Variants in GALNTL6 observed in about 807,000 individuals in gnomAD.
GALNTL6 encodes the protein polypeptide N-acetylgalactosaminyltransferase like 6, also known as polypeptide N-acetylgalactosaminyltransferase-like 6.
In GALNTL6, 46 loss-of-function variants were observed where a neutral mutation model predicts 73.7. The ratio of observed to expected loss-of-function variants is 0.62; its 90% CI spans 0.49 to 0.80. GALNTL6 has a LOEUF of 0.80. Ranked by LOEUF, GALNTL6 falls within the 30% of genes least tolerant of loss-of-function variation. The pLI, the probability that GALNTL6 is intolerant of heterozygous loss-of-function variation, is 0.00. For missense variants in GALNTL6, 604 were observed against 755.0 expected (o/e 0.80, Z 2.34); for synonymous variants, 259 against 263.7 (o/e 0.98, Z 0.17).
intron 5 of GALNTL6, among the ~76,000 whole-genome samples, chr4:172,554,429 T>C (rs1028260598): frequency 2.0e-5 from 3 of 152,164 alleles, no homozygotes; most frequent in Admixed American, 1.3e-4. Flanking sequence ...AATTAAAATA[T>C]TTTGAAGGTT....
chr4:172,808,624 T>G (rs1472809194), intron 5 of GALNTL6, among the ~76,000 whole-genome samples: 5 of 152,224 alleles, frequency 3.3e-5, no homozygotes, highest in Non-Finnish European at 7.3e-5. Flanking sequence ...GAGAGCTTGA[T>G]GCATTTTGTC....
intron 5 of GALNTL6, among the ~76,000 whole-genome samples, chr4:172,528,317 AAAATATATATATATATATATAT>A (rs1180907669): frequency 8.5e-4 from 101 of 118,542 alleles, no homozygotes; most frequent in African/African-American, 3.2e-3. Context: ...TGCTAGAAAT[AAAATATATATATATATATATAT>A]ATATATATAT....
chr4:172,334,794 C>A (rs1741252063), intron 4 of GALNTL6, among the ~76,000 whole-genome samples: 1 of 152,110 alleles, frequency 6.6e-6, no homozygotes, highest in African/African-American at 2.4e-5. Flanking sequence ...CCATCCTTGT[C>A]TTTTTCCTGT....
chr4:172,938,385 C>CA (rs1748736408), intron 9 of GALNTL6, among the ~76,000 whole-genome samples: 1 of 152,180 alleles, frequency 6.6e-6, no homozygotes, highest in African/African-American at 2.4e-5. Context: ...ACCATGGTGT[C>CA]AGCTTTCCCA....
At position 172,997,155 on chromosome 4, in the gene GALNTL6, T is replaced by TCACA. The variant is rs535706690; in HGVS notation, c.1372-12022_1372-12019dup. 5.0e-3 allele frequency among the ~76,000 whole-genome samples: 768 copies of TCACA among 152,310 alleles called. 6 individuals are homozygous for TCACA. The highest frequency in any genetic ancestry group is 0.011 in the South Asian group (53 of 4,828). On this transcript the variant is annotated intron_variant, in intron 10 of 12. Coordinates refer to ENST00000506823, the MANE Select transcript of GALNTL6 (RefSeq NM_001034845.3). ...TCACTTCTTTTCTAAACCCAAGGACTCACAGCCTTCTTTAATTTCCATGTG... is the reference window on the plus strand; with the variant it reads ...TCACTTCTTTTCTAAACCCAAGGACTCACACACAGCCTTCTTTAATTTCCATGTG...
At chr4:172,703,117 G>T (rs1734124403) in intron 5 of GALNTL6, among the ~76,000 whole-genome samples, 1 of 151,734 alleles carries the variant, frequency 6.6e-6, no homozygotes. Context: ...GGTAAAAGTA[G>T]GTATCTTTGT....
chr4:171,953,263 T>TGC (rs1553974319), intron 2 of GALNTL6, among the ~76,000 whole-genome samples: 1 of 138,472 alleles, frequency 7.2e-6, no homozygotes, highest in African/African-American at 2.6e-5. Context: ...TGTGTGTGTG[T>TGC]GTAAGAAAAA....
chr4:172,979,891 C>A lies in GALNTL6; in HGVS notation c.1371+27633C>A, dbSNP rs75555809. ...TTACCACTTTCTAATGTCCTCCCCG[C>A]AATTTGAAGTAATCCCTGTCCTTTT... On this transcript the variant is annotated intron_variant, in intron 10 of 12. Coordinates refer to ENST00000506823, the MANE Select transcript of GALNTL6 (RefSeq NM_001034845.3). Among the ~76,000 whole-genome samples, 352 of 152,330 alleles carry A rather than the reference C, an allele frequency of 2.3e-3. 3 individuals are homozygous for A. The highest frequency in any genetic ancestry group is 8.3e-3 in the African/African-American group (344 of 41,572).
At chr4:172,454,069 TATA>T (rs1265470317) in intron 5 of GALNTL6, among the ~76,000 whole-genome samples, 2 of 152,214 alleles carry the variant, frequency 1.3e-5, no homozygotes, top group Non-Finnish European at 2.9e-5. Context: ...ATTGCACATT[TATA>T]ATGTTTCAGT....
chr4:171,961,384 C>T (rs1739213843), intron 2 of GALNTL6, among the ~76,000 whole-genome samples: 1 of 149,066 alleles, frequency 6.7e-6, no homozygotes, highest in African/African-American at 2.4e-5. Context: ...AAGAATTTAC[C>T]CAACTCATAG....
At chr4:172,426,573 A>G (rs1731236210) in intron 5 of GALNTL6, among the ~76,000 whole-genome samples, 1 of 152,186 alleles carries the variant, frequency 6.6e-6, no homozygotes, top group Non-Finnish European at 1.5e-5. Flanking sequence ...ACACAGATGC[A>G]TCTAAGGAAG....
rs1738161727 is a variant in GALNTL6, at chr4:172,258,689, G to A, written c.247+28925G>A. ...TAGTAGTGATTTCTGAGATTTTGGT[G>A]CACGCATCACCTGACCAGTGATTGA... On this transcript the variant is annotated intron_variant, in intron 3 of 12. Coordinates refer to ENST00000506823, the MANE Select transcript of GALNTL6 (RefSeq NM_001034845.3). Among the ~76,000 whole-genome samples, 5 of 151,284 alleles carry A rather than the reference G, an allele frequency of 3.3e-5. No individual in the cohort carries two copies. In the South Asian group the frequency reaches 1.0e-3, roughly 31 times the overall value.
chr4:172,987,279 A>G (rs1751330748), intron 10 of GALNTL6, among the ~76,000 whole-genome samples: 1 of 152,120 alleles, frequency 6.6e-6, no homozygotes, highest in Non-Finnish European at 1.5e-5. Flanking sequence ...AAGGGAAAGC[A>G]AACACATCCT....
intron 5 of GALNTL6, among the ~76,000 whole-genome samples, chr4:172,797,265 T>A (rs1335559062): frequency 6.6e-6 from 1 of 152,152 alleles, no homozygotes; most frequent in Admixed American, 6.5e-5. Flanking sequence ...CTTTTTTTTT[T>A]ATTTGGAGAC....
intron 2 of GALNTL6, among the ~76,000 whole-genome samples, chr4:172,180,255 T>C (rs1297372469): frequency 1.3e-5 from 2 of 152,220 alleles, no homozygotes; most frequent in African/African-American, 4.8e-5. Context: ...TTTTGAACAG[T>C]GTCTGTTCAT....
intron 5 of GALNTL6, among the ~76,000 whole-genome samples, chr4:172,679,295 C>T (rs947863994): frequency 2.0e-5 from 3 of 151,798 alleles, no homozygotes; most frequent in Non-Finnish European, 4.4e-5. Flanking sequence ...CCTGTAATCG[C>T]AGCCACTCGG....
At chr4:172,955,729 G>C (rs80103167) in intron 10 of GALNTL6, among the ~76,000 whole-genome samples, 17,758 of 152,090 alleles carry the variant, frequency 0.12, 1,469 homozygotes, top group Admixed American at 0.25. Flanking sequence ...TCTTTCACCT[G>C]AGTGCAAGTG....
At chr4:172,992,236 G>A (rs1242787478) in intron 10 of GALNTL6, among the ~76,000 whole-genome samples, 1 of 152,178 alleles carries the variant, frequency 6.6e-6, no homozygotes, top group African/African-American at 2.4e-5. Flanking sequence ...AAATCCACAT[G>A]TCCTCAGGCC....
At chr4:172,281,396 C>T (rs1388469693) in intron 3 of GALNTL6, among the ~76,000 whole-genome samples, 1 of 152,012 alleles carries the variant, frequency 6.6e-6, no homozygotes, top group Admixed American at 6.6e-5. Flanking sequence ...TCCTATTTCT[C>T]TTATAAAAGA....
Sources: gnomAD v4.1 joint callset for allele counts (sites outside exome capture counted in the v4.1 genomes callset) on GRCh38, gnomAD v4.1.1 for gene constraint, MANE v1.5 for transcripts, NCBI Gene and HGNC (gene_info 2026-07-23, HGNC 2026-07-21) for gene names.